The following LRBA variants were observed in gnomAD, a reference collection of about 807,000 sequenced individuals.
The protein encoded by LRBA is lipopolysaccharide-responsive and beige-like anchor protein.
Under a neutral mutation model 330.0 loss-of-function variants are expected in LRBA, and 176 were observed. The observed-to-expected ratio is 0.53, with a 90% CI of 0.47 to 0.60. The LOEUF (loss-of-function observed/expected upper bound fraction) is 0.60. LRBA is among the 20% of genes least tolerant of loss of function. LRBA has a pLI of 0.00. For synonymous variants in LRBA, 1,230 were observed against 1,193.0 expected (o/e 1.03, Z -0.64); for missense variants, 3,259 against 3,444.8 (o/e 0.95, Z 1.35).
chr4:150,858,823 A>G (rs1288323443), intron 22 of LRBA, among the ~76,000 whole-genome samples: 1 of 152,122 alleles, frequency 6.6e-6, no homozygotes, highest in African/African-American at 2.4e-5. Flanking sequence ...TGTCCAGCCA[A>G]TTTTGTAACT....
At chr4:150,818,297 G>A (rs1428783327) in intron 30 of LRBA, among the ~76,000 whole-genome samples, 2 of 152,068 alleles carry the variant, frequency 1.3e-5, no homozygotes, top group East Asian at 1.9e-4. Context: ...ATCATGTGAG[G>A]GCAAACACTG....
chr4:150,928,828 T>A lies in LRBA; in HGVS notation c.448+6A>T, dbSNP rs746049932. On this transcript the variant is annotated splice_donor_region_variant and intron_variant, in intron 3 of 56. Coordinates refer to ENST00000651943, the MANE Select transcript of LRBA (RefSeq NM_001364905.1). ...TGCATATATTGTACTATAGAAAAAA[T>A]CATACCTGCTATCATATTGTCAACT... 79 of 1,605,804 alleles carry A rather than the reference T, an allele frequency of 4.9e-5. No individual in the cohort carries two copies. Among genetic ancestry groups the A allele is most frequent in the African/African-American group, 2.3e-4 (17 of 74,698 alleles).
intron 52 of LRBA, among the ~76,000 whole-genome samples, 199 bp downstream of exon 52, chr4:150,310,030 A>G (rs1246421492): frequency 6.6e-6 from 1 of 152,134 alleles, no homozygotes; most frequent in Non-Finnish European, 1.5e-5. Flanking sequence ...GTCTCTTACA[A>G]ACATGCTGTA....
At chr4:150,444,809 A>G (rs1752379179) in intron 44 of LRBA, among the ~76,000 whole-genome samples, 1 of 152,222 alleles carries the variant, frequency 6.6e-6, no homozygotes, top group African/African-American at 2.4e-5. Flanking sequence ...TATTGTGCCT[A>G]TGTAGAATCT....
chr4:150,371,472 C>T (rs192518376), intron 47 of LRBA, among the ~76,000 whole-genome samples: 45 of 152,104 alleles, frequency 3.0e-4, no homozygotes, highest in Non-Finnish European at 4.1e-4. Flanking sequence ...ATTACAGGCA[C>T]AAGCCACCGC....
At chr4:150,697,325 G>GAAAAAAAAAA (rs60145657) in intron 36 of LRBA, among the ~76,000 whole-genome samples, 434 of 28,048 alleles carry the variant, frequency 0.015, 162 homozygotes, top group Non-Finnish European at 0.018. Context: ...CTTTGTCTCA[G>GAAAAAAAAAA]AAAAAAAAAA....
chr4:150,555,149 G>A (rs1435343286), intron 40 of LRBA, among the ~76,000 whole-genome samples: 4 of 152,108 alleles, frequency 2.6e-5, no homozygotes, highest in Non-Finnish European at 5.9e-5. Context: ...TCTGAAAACA[G>A]GTGACTCCAA....
At chr4:150,660,652 A>G (rs1223872562) in intron 37 of LRBA, among the ~76,000 whole-genome samples, 1 of 139,104 alleles carries the variant, frequency 7.2e-6, no homozygotes, top group African/African-American at 2.6e-5. Context: ...GAAAAGATTG[A>G]GAAATCGGAT....
intron 31 of LRBA, 102 bp from the exon 32 acceptor site, chr4:150,808,500 G>T: frequency 1.5e-6 from 1 of 656,594 alleles, no homozygotes; most frequent in Non-Finnish European, 2.7e-6. Flanking sequence ...GCATTATAAC[G>T]TATTTTTATG....
intron 53 of LRBA, among the ~76,000 whole-genome samples, chr4:150,288,763 T>C (rs558176840): frequency 6.6e-6 from 1 of 151,386 alleles, no homozygotes; most frequent in Non-Finnish European, 1.5e-5. Flanking sequence ...ATCACTAAGA[T>C]CTAAGGAATA....
chr4:150,746,433 A>T (rs958938424), intron 35 of LRBA, among the ~76,000 whole-genome samples: 5 of 152,002 alleles, frequency 3.3e-5, no homozygotes, highest in Admixed American at 1.3e-4. Context: ...TTCCTTCTTC[A>T]TCATCCTACA....
chr4:150,554,949 T>C (rs1767103857), intron 40 of LRBA, among the ~76,000 whole-genome samples: 1 of 152,138 alleles, frequency 6.6e-6, no homozygotes, highest in Non-Finnish European at 1.5e-5. Context: ...TAAGTATTTT[T>C]TGGAAAGCCT....
intron 53 of LRBA, among the ~76,000 whole-genome samples, chr4:150,295,219 T>TA (rs1240695873): frequency 2.0e-5 from 2 of 100,170 alleles, no homozygotes; most frequent in East Asian, 5.2e-4. Flanking sequence ...TTTTTTTTTT[T>TA]AAGACAGGGT....
chr4:150,648,830 A>T (rs1291446915), intron 37 of LRBA, among the ~76,000 whole-genome samples: 1 of 152,032 alleles, frequency 6.6e-6, no homozygotes, highest in Non-Finnish European at 1.5e-5. Context: ...TATCCATCAC[A>T]CTATAGTTTC....
At chr4:150,530,405 T>C (rs992301411) in intron 40 of LRBA, among the ~76,000 whole-genome samples, 2 of 152,218 alleles carry the variant, frequency 1.3e-5, no homozygotes, top group Non-Finnish European at 2.9e-5. Flanking sequence ...CTCATATCCC[T>C]TGGCAATTTC....
chr4:150,783,243 C>A (rs547921282), intron 34 of LRBA, among the ~76,000 whole-genome samples: 2 of 152,290 alleles, frequency 1.3e-5, no homozygotes, highest in South Asian at 2.1e-4. Flanking sequence ...TAACCAACTT[C>A]TTTTTCCCTT....
intron 36 of LRBA, among the ~76,000 whole-genome samples, chr4:150,693,586 ATT>A (rs1784347541): frequency 7.4e-5 from 11 of 149,078 alleles, no homozygotes; most frequent in East Asian, 2.0e-4. Context: ...AAAAAAAAAA[ATT>A]GGGCAAGAAA....
chr4:150,297,952 G>T (rs1729174297), intron 53 of LRBA, among the ~76,000 whole-genome samples: 1 of 151,980 alleles, frequency 6.6e-6, no homozygotes, highest in African/African-American at 2.4e-5. Flanking sequence ...CTTGACATTT[G>T]TGACCCTTAA....
intron 47 of LRBA, among the ~76,000 whole-genome samples, chr4:150,407,965 A>G (rs1247051159): frequency 6.6e-6 from 1 of 152,238 alleles, no homozygotes; most frequent in East Asian, 1.9e-4. Flanking sequence ...GAACTCAAAT[A>G]AAAAAACTAG....
Sources: gnomAD v4.1 joint callset for allele counts (sites outside exome capture counted in the v4.1 genomes callset) on GRCh38, gnomAD v4.1.1 for gene constraint, MANE v1.5 for transcripts, NCBI Gene and HGNC (gene_info 2026-07-23, HGNC 2026-07-21) for gene names.